The following SLCO4A1 variants were observed in gnomAD, a reference collection of about 807,000 sequenced individuals.
SLCO4A1 encodes the protein colon organic anion transporter.
A neutral mutation model predicts 64.6 loss-of-function variants in SLCO4A1; 51 were observed. The ratio of observed to expected loss-of-function variants is 0.79; its 90% CI spans 0.63 to 1.00. SLCO4A1 has a LOEUF of 1.00. Among genes scored for constraint, SLCO4A1 ranks in the 50% least tolerant of loss-of-function variants. SLCO4A1 has a pLI of 0.00. For missense variants in SLCO4A1, 919 were observed against 980.5 expected (o/e 0.94, Z 0.84); for synonymous variants, 471 against 444.9 (o/e 1.06, Z -0.74).
chr20:62,669,693 C>T lies in SLCO4A1; in HGVS notation c.2025+615C>T, dbSNP rs564797856. ...GCCTTCTAAATAAAATGCGGTCCCA[C>T]GGCCAGCTGTTCAGAGGATCTTGAC... On this transcript the variant is annotated intron_variant, in intron 11 of 11. Transcript: ENST00000217159. Among the ~76,000 whole-genome samples the T allele has an allele frequency of 6.6e-5, 10 of 152,154 alleles. 1 individual carries two copies. In the South Asian group the frequency reaches 1.0e-3, roughly 16 times the overall value.
intron 11 of SLCO4A1, among the ~76,000 whole-genome samples, chr20:62,670,556 C>T (rs1045961379): frequency 6.6e-6 from 1 of 152,226 alleles, no homozygotes; most frequent in Non-Finnish European, 1.5e-5. Flanking sequence ...CTTAGTACTA[C>T]CCTTAGACTC....
chr20:62,658,705 C>T lies in SLCO4A1; in HGVS notation c.825C>T (p.Gly275=). The T allele has an allele frequency of 6.2e-7, 1 of 1,612,178 alleles. No individual in the cohort carries two copies. Among genetic ancestry groups the T allele is most frequent in the Non-Finnish European group, 8.5e-7 (1 of 1,179,580 alleles). The change falls in exon 3 of 12, where the codon GGC becomes GGT. Residue 275 remains glycine, a synonymous_variant. Coordinates refer to ENST00000217159, the MANE Select transcript of SLCO4A1 (RefSeq NM_016354.4). ...TCTTCTACACAGCGGCCATCCTGGG[C>T]CCAGCTGCCGGCTACCTGATTGGAG... ...IAIFYTAAIL[G]PAAGYLIGGA...
downstream of SLCO4A1, among the ~76,000 whole-genome samples, chr20:62,687,311 G>A (rs532038036): frequency 6.6e-5 from 10 of 152,220 alleles, no homozygotes; most frequent in South Asian, 1.2e-3. Flanking sequence ...ACACAGCCAC[G>A]GGAGACACAG....
intron 7 of SLCO4A1, among the ~76,000 whole-genome samples, chr20:62,667,028 G>A (rs6062756): frequency 7.2e-5 from 11 of 152,232 alleles, no homozygotes; most frequent in Admixed American, 1.3e-4. Context: ...CCTGCACCTC[G>A]GCCCTGCCCT....
chr20:62,683,294 C>A (rs534592041), intron 2 of SLCO4A1, among the ~76,000 whole-genome samples: 1 of 152,206 alleles, frequency 6.6e-6, no homozygotes, highest in East Asian at 1.9e-4. Flanking sequence ...CGGGAGCGGC[C>A]GTGACGGAGC....
At chr20:62,680,225 G>T (rs1232709875) in intron 2 of SLCO4A1, among the ~76,000 whole-genome samples, 1 of 152,250 alleles carries the variant, frequency 6.6e-6, no homozygotes, top group Non-Finnish European at 1.5e-5. Flanking sequence ...TGCTGACCCT[G>T]TGTCATGAAA....
intron 11 of SLCO4A1, among the ~76,000 whole-genome samples, chr20:62,670,862 C>T (rs1987118107): frequency 6.6e-6 from 1 of 152,278 alleles, no homozygotes; most frequent in Non-Finnish European, 1.5e-5. Context: ...CGAGTCAAAA[C>T]AGCCTCACTC....
rs112687948 is a variant in SLCO4A1 at position 62,658,775 on chromosome 20, G to A, written c.887+8G>A. 1.3e-6 allele frequency: 2 copies of A among 1,598,440 alleles called. No homozygotes were observed. The highest frequency in any genetic ancestry group is 1.7e-6 in the Non-Finnish European group (2 of 1,172,458). Reference sequence around the variant, plus strand: ...CACGGAAATGGGCCGACGGTGAGTGGCCGCGCACCCAGCTGCCTGCGCTGG... The same window carrying A: ...CACGGAAATGGGCCGACGGTGAGTGACCGCGCACCCAGCTGCCTGCGCTGG... On this transcript the variant is annotated splice_region_variant and intron_variant, in intron 3 of 11. Transcript: ENST00000217159.
downstream of SLCO4A1, among the ~76,000 whole-genome samples, chr20:62,686,270 C>T (rs541051781): frequency 1.1e-4 from 16 of 152,310 alleles, no homozygotes; most frequent in East Asian, 5.8e-4. Context: ...CTCCAAGCAC[C>T]GGGTGGAAAC....
intron 1 of SLCO4A1, chr20:62,650,225 G>A (rs942888764): frequency 6.6e-6 from 1 of 152,272 alleles, no homozygotes; most frequent in African/African-American, 2.4e-5. Flanking sequence ...CTATAGGCAG[G>A]TGTGCATGTG....
Position 62,668,998 on chromosome 20 carries a change from T to C in SLCO4A1, c.1945T>C (p.Cys649Arg). 1 of 1,610,404 alleles carries C rather than the reference T, an allele frequency of 6.2e-7. No homozygotes were observed. Reference protein sequence around the residue: ...DKACLLWQDQCGQQGSCLVYQ... With the variant: ...DKACLLWQDQRGQQGSCLVYQ... ...GGCCTGTCTGCTGTGGCAGGACCAG[T>C]GTGGCCAGCAGGGCTCCTGCTTGGT... Residue 649 changes from cysteine (C) to arginine (R), a missense_variant, in exon 11 of 12, where the codon TGT (cysteine) becomes CGT (arginine). By Grantham distance (180) the Cys-to-Arg change is radical (BLOSUM62 -3). Transcript: ENST00000217159.
downstream of SLCO4A1, among the ~76,000 whole-genome samples, chr20:62,688,560 T>C (rs1048229502): frequency 2.6e-5 from 4 of 152,148 alleles, no homozygotes; most frequent in Non-Finnish European, 5.9e-5. Flanking sequence ...CTTGAGTGAG[T>C]AAGAGCAGCA....
At chr20:62,663,849 C>A (rs1270468481) in intron 5 of SLCO4A1, among the ~76,000 whole-genome samples, 1 of 152,210 alleles carries the variant, frequency 6.6e-6, no homozygotes, top group Non-Finnish European at 1.5e-5. Flanking sequence ...CTGCCTCGAT[C>A]ACTGCACTGG....
chr20:62,675,706 C>A (rs1045238158), downstream of SLCO4A1, among the ~76,000 whole-genome samples: 2 of 152,246 alleles, frequency 1.3e-5, no homozygotes, highest in Non-Finnish European at 2.9e-5. Flanking sequence ...ACACAGGCCC[C>A]CCGCTTCTCC....
At chr20:62,647,206 G>A (rs1044474142) in intron 1 of SLCO4A1, among the ~76,000 whole-genome samples, 13 of 152,248 alleles carry the variant, frequency 8.5e-5, no homozygotes, top group Admixed American at 8.5e-4. Context: ...AAGAGACCCT[G>A]GAGTGAATTT....
In SLCO4A1 at chr20:62,666,567, C is replaced by T. The variant is rs560247216; in HGVS notation, c.1464C>T (p.Tyr488=). Residue 488 remains tyrosine, a synonymous_variant, in exon 7 of 12, where the codon TAC becomes TAT. Coordinates refer to ENST00000217159, the MANE Select transcript of SLCO4A1 (RefSeq NM_016354.4). ...CCATGGCGGGCGTCACAGCCAGCTA[C>T]GGCGGGAGGTGAGGGCCAGATGGCA... The part of the protein sequence containing the change: ...SVPMAGVTAS[Y]GGSLLPEGHL... 6.8e-5 allele frequency: 109 copies of T among 1,612,216 alleles called. No homozygotes were observed. The highest frequency in any genetic ancestry group is 8.6e-5 in the Non-Finnish European group (101 of 1,179,828).
At chr20:62,677,994 G>A (rs1266839572) in intron 2 of SLCO4A1, among the ~76,000 whole-genome samples, 2 of 152,226 alleles carry the variant, frequency 1.3e-5, no homozygotes, top group Non-Finnish European at 2.9e-5. Flanking sequence ...AAGAAGTAAG[G>A]ATGCTGTTTT....
chr20:62,676,552 C>T (rs1987604627), downstream of SLCO4A1, among the ~76,000 whole-genome samples: 1 of 152,192 alleles, frequency 6.6e-6, no homozygotes, highest in Admixed American at 6.5e-5. Context: ...AGAAGATGCT[C>T]AAGATTTTCC....
At position 62,644,946 on chromosome 20, in the gene SLCO4A1, T is replaced by G. The variant is rs2147053410; in HGVS notation, c.-97+2393T>G. ...GCCACGCCAGGCCAGCCCTCCTGCT[T>G]CCTCAAGCGGGCTGTGGACAGAGGC... On this transcript the variant is annotated intron_variant, in intron 1 of 11. Transcript: ENST00000217159. The surrounding 1 kb of genome is among the most constrained non-coding windows in gnomAD (Gnocchi z 5.4). Among the ~76,000 whole-genome samples the G allele has an allele frequency of 6.6e-6, 1 of 152,354 alleles. No individual in the cohort carries two copies. The highest frequency in any genetic ancestry group is 6.5e-5 in the Admixed American group (1 of 15,306).
Sources: allele counts gnomAD v4.1 joint callset (sites outside exome capture counted in the v4.1 genomes callset), GRCh38; gene constraint gnomAD v4.1.1; non-coding constraint Gnocchi (gnomAD v3.1); transcripts MANE v1.5; gene names NCBI Gene and HGNC (gene_info 2026-07-23, HGNC 2026-07-21).